The following AGBL1 variants were observed in gnomAD, a reference collection of about 807,000 sequenced individuals.
AGBL1 encodes AGBL carboxypeptidase 1.
AGBL1 carries 130 observed loss-of-function variants against 118.9 expected under a neutral mutation model. The ratio of observed to expected loss-of-function variants is 1.09; its 90% CI spans 0.95 to 1.26. The LOEUF (loss-of-function observed/expected upper bound fraction) is 1.26, where lower values mean the gene tolerates loss of function less well. Ranked by LOEUF, AGBL1 falls within the 50% of genes most tolerant of loss-of-function variation. The pLI is 0.00. For synonymous variants in AGBL1, 555 were observed against 478.9 expected (o/e 1.16, Z -2.08); for missense variants, 1,584 against 1,298.1 (o/e 1.22, Z -3.38).
At chr15:86,502,039 G>A (rs1841148570) in intron 18 of AGBL1, among the ~76,000 whole-genome samples, 1 of 151,536 alleles carries the variant, frequency 6.6e-6, no homozygotes, top group Admixed American at 6.6e-5. Context: ...GGGAAGTAGT[G>A]CCATTTTAAT....
At chr15:86,743,240 A>G (rs975671921) in intron 22 of AGBL1, among the ~76,000 whole-genome samples, 4 of 152,104 alleles carry the variant, frequency 2.6e-5, no homozygotes, top group African/African-American at 9.7e-5. Flanking sequence ...TAAGTGGGCT[A>G]TTGACTTTGC....
Position 86,621,347 on chromosome 15 carries a change from G to C in AGBL1, c.2995-52926G>C, listed in dbSNP as rs567061487. 4.6e-5 allele frequency among the ~76,000 whole-genome samples: 7 copies of C among 152,282 alleles called. 2 individuals are homozygous for C. The highest frequency in any genetic ancestry group is 1.7e-4 in the African/African-American group (7 of 41,564). ...CAAGATTTTGTGTTAGTAAAATAAA[G>C]ATACTGTAACAAATTATTATAAACA... On this transcript the variant is annotated intron_variant, in intron 21 of 22. Coordinates refer to ENST00000614907, the MANE Select transcript of AGBL1 (RefSeq NM_001386094.1).
intron 17 of AGBL1, among the ~76,000 whole-genome samples, chr15:86,321,116 A>T (rs989383147): frequency 3.3e-5 from 5 of 152,132 alleles, no homozygotes; most frequent in Non-Finnish European, 5.9e-5. Context: ...CTTAAAATTA[A>T]GTGACATAAT....
chr15:86,752,959 C>T (rs1161487765), intron 22 of AGBL1, among the ~76,000 whole-genome samples: 1 of 152,046 alleles, frequency 6.6e-6, no homozygotes, highest in Non-Finnish European at 1.5e-5. Flanking sequence ...AATAACCAGT[C>T]AATTTATCTT....
At chr15:86,581,634 G>A (rs1596287210) in intron 21 of AGBL1, among the ~76,000 whole-genome samples, 1 of 152,142 alleles carries the variant, frequency 6.6e-6, no homozygotes, top group South Asian at 2.1e-4. Flanking sequence ...CACTCCTCGG[G>A]CACTCTTCAG....
chr15:86,219,046 G>C (rs1462627621), intron 5 of AGBL1, among the ~76,000 whole-genome samples: 1 of 152,204 alleles, frequency 6.6e-6, no homozygotes, highest in East Asian at 1.9e-4. Context: ...GGGTGGCATT[G>C]CTATATCTAG....
At chr15:86,711,127 T>C (rs2086548991) in intron 22 of AGBL1, among the ~76,000 whole-genome samples, 1 of 152,206 alleles carries the variant, frequency 6.6e-6, no homozygotes, top group African/African-American at 2.4e-5. Flanking sequence ...TGGGTAATAC[T>C]GAGGTCCAAG....
intron 17 of AGBL1, among the ~76,000 whole-genome samples, chr15:86,310,071 T>C (rs1567192233): frequency 6.6e-6 from 1 of 152,174 alleles, no homozygotes. Flanking sequence ...TTTTCTTTGT[T>C]GGGAGTTTTT....
intron 21 of AGBL1, among the ~76,000 whole-genome samples, chr15:86,659,058 AG>A (rs1047084867): frequency 6.6e-5 from 10 of 152,182 alleles, no homozygotes; most frequent in Non-Finnish European, 1.3e-4. Flanking sequence ...CTTTTAATTA[AG>A]AAAAGTTCCT....
chr15:86,144,925 C>T (rs188665321), intron 3 of AGBL1, among the ~76,000 whole-genome samples: 1 of 152,290 alleles, frequency 6.6e-6, no homozygotes, highest in Non-Finnish European at 1.5e-5. Context: ...GTTAGGAGGT[C>T]AGAAGTCCAA....
chr15:86,973,638 G>C (rs2081133782), intron 23 of AGBL1, among the ~76,000 whole-genome samples: 2 of 151,902 alleles, frequency 1.3e-5, no homozygotes, highest in African/African-American at 2.4e-5. Flanking sequence ...CACAGACATA[G>C]CCATAGTAAT....
intron 22 of AGBL1, among the ~76,000 whole-genome samples, chr15:86,766,098 A>G (rs1356288718): frequency 6.6e-6 from 1 of 151,940 alleles, no homozygotes; most frequent in Non-Finnish European, 1.5e-5. Flanking sequence ...AACTCTCACA[A>G]CAGCCCAGTG....
chr15:86,794,361 A>G (rs887751483), intron 22 of AGBL1, among the ~76,000 whole-genome samples: 11 of 152,234 alleles, frequency 7.2e-5, no homozygotes, highest in Admixed American at 5.2e-4. Context: ...AAGGCCACAG[A>G]GAAGATAATT....
At chr15:86,404,857 A>G (rs1321184958) in intron 18 of AGBL1, among the ~76,000 whole-genome samples, 1 of 152,180 alleles carries the variant, frequency 6.6e-6, no homozygotes, top group Non-Finnish European at 1.5e-5. Flanking sequence ...AGAAGTGTGT[A>G]GTCAATAAGT....
chr15:86,254,213 G>A (rs1158214585), intron 7 of AGBL1, among the ~76,000 whole-genome samples: 1 of 152,242 alleles, frequency 6.6e-6, no homozygotes, highest in South Asian at 2.1e-4. Context: ...AACTAAGGAT[G>A]CCTTCTCTCT....
chr15:86,270,916 C>T (rs935726918), intron 14 of AGBL1, among the ~76,000 whole-genome samples: 1 of 152,134 alleles, frequency 6.6e-6, no homozygotes, highest in Admixed American at 6.5e-5. Context: ...AGGGGAAACT[C>T]CATTTCCTTT....
intron 21 of AGBL1, among the ~76,000 whole-genome samples, chr15:86,597,227 T>C (rs1486016358): frequency 6.6e-6 from 1 of 152,194 alleles, no homozygotes; most frequent in African/African-American, 2.4e-5. Flanking sequence ...TACTATTTTC[T>C]GTCTATCTGT....
At chr15:86,763,185 T>A (rs1336544019) in intron 22 of AGBL1, among the ~76,000 whole-genome samples, 1 of 151,988 alleles carries the variant, frequency 6.6e-6, no homozygotes, top group African/African-American at 2.4e-5. Flanking sequence ...ACTATAACAA[T>A]AATACTATAG....
At chr15:86,248,487 C>T (rs1190155577) in intron 7 of AGBL1, among the ~76,000 whole-genome samples, 1 of 152,186 alleles carries the variant, frequency 6.6e-6, no homozygotes, top group African/African-American at 2.4e-5. Flanking sequence ...GGGCCTACAG[C>T]TGTGTAACTT....
Sources: allele counts gnomAD v4.1 joint callset (sites outside exome capture counted in the v4.1 genomes callset), GRCh38; gene constraint gnomAD v4.1.1; transcripts MANE v1.5; gene names NCBI Gene and HGNC (gene_info 2026-07-23, HGNC 2026-07-21).